FBXL17: variants seen among roughly 807,000 people sequenced by gnomAD.
FBXL17 encodes the protein F-box and leucine rich repeat protein 17, also known as F-box/LRR-repeat protein 17.
A neutral mutation model predicts 66.2 loss-of-function variants in FBXL17; 22 were observed. The ratio of observed to expected loss-of-function variants is 0.33; its 90% CI spans 0.24 to 0.47. The LOEUF (loss-of-function observed/expected upper bound fraction) is 0.47. FBXL17 is among the 20% of genes least tolerant of loss of function. The pLI, the probability that FBXL17 is intolerant of heterozygous loss-of-function variation, is 1.00. For synonymous variants in FBXL17, 474 were observed against 400.5 expected (o/e 1.18, Z -2.19); for missense variants, 878 against 948.2 (o/e 0.93, Z 0.97).
intron 5 of FBXL17, among the ~76,000 whole-genome samples, chr5:108,187,810 C>A (rs1430365661): frequency 6.6e-6 from 1 of 152,218 alleles, no homozygotes; most frequent in African/African-American, 2.4e-5. Context: ...AGACAGGCTT[C>A]TAACTTACAG....
At chr5:108,128,565 C>T (rs369641950) in intron 6 of FBXL17, among the ~76,000 whole-genome samples, 2 of 152,216 alleles carry the variant, frequency 1.3e-5, no homozygotes, top group East Asian at 1.9e-4. Context: ...CACATAGAAA[C>T]TCTATGATAA....
chr5:108,050,854 AAAATCAAATATATTTGATG>A (rs749371495), intron 6 of FBXL17, among the ~76,000 whole-genome samples: 34 of 152,114 alleles, frequency 2.2e-4, no homozygotes, highest in African/African-American at 7.5e-4. Flanking sequence ...ATCAAACAGA[AAAATCAAATATATTTGATG>A]AAATCAAATA....
At chr5:108,160,555 T>C (rs534585164) in intron 6 of FBXL17, among the ~76,000 whole-genome samples, 90 of 152,278 alleles carry the variant, frequency 5.9e-4, no homozygotes, top group Non-Finnish European at 1.2e-3. Flanking sequence ...AAGAATAGTT[T>C]TTCATAAATT....
intron 4 of FBXL17, among the ~76,000 whole-genome samples, chr5:108,342,424 T>C (rs143905889): frequency 6.6e-6 from 1 of 152,298 alleles, no homozygotes; most frequent in African/African-American, 2.4e-5. Context: ...TACTTGCAGC[T>C]TCTCCTGAAA....
intron 4 of FBXL17, among the ~76,000 whole-genome samples, chr5:108,345,525 T>C (rs1232449094): frequency 6.6e-6 from 1 of 150,484 alleles, no homozygotes; most frequent in African/African-American, 2.5e-5. Flanking sequence ...ATAAAAATGT[T>C]CTACTATCTT....
At chr5:108,327,294 T>G (rs1011775750) in intron 4 of FBXL17, among the ~76,000 whole-genome samples, 1 of 152,336 alleles carries the variant, frequency 6.6e-6, no homozygotes, top group Non-Finnish European at 1.5e-5. Context: ...CTAAATGTAC[T>G]GTGGAGACAA....
intron 8 of FBXL17, chr5:107,880,799 C>A (rs1748763247): frequency 1.5e-6 from 2 of 1,350,504 alleles, no homozygotes; most frequent in East Asian, 5.3e-5. Flanking sequence ...TATATGATTA[C>A]TTTTTCTTTC....
intron 8 of FBXL17, among the ~76,000 whole-genome samples, chr5:107,871,057 C>CAAAAGAAAAAAAAAAAAAAAAAAA (rs1554080823): frequency 1.5e-5 from 1 of 65,892 alleles, no homozygotes; most frequent in Non-Finnish European, 2.7e-5. Context: ...TCTTGGGCGG[C>CAAAAGAAAAAAAAAAAAAAAAAAA]AAAAAAAAAA....
At position 108,010,681 on chromosome 5, in the gene FBXL17, T is replaced by C. The variant is rs191967624; in HGVS notation, c.1822+10244A>G. Among the ~76,000 whole-genome samples, 430 of 152,246 alleles carry C rather than the reference T, an allele frequency of 2.8e-3. 2 individuals carry two copies. The highest frequency in any genetic ancestry group is 9.8e-3 in the African/African-American group (408 of 41,558). ...ACGTGCATAAGAAGAGCCTGGTGTA[T>C]CTTGACATAACGAGTCCATGTCAAA... On this transcript the variant is annotated intron_variant, in intron 7 of 8. Coordinates refer to ENST00000542267, the MANE Select transcript of FBXL17 (RefSeq NM_001163315.3).
intron 3 of FBXL17, among the ~76,000 whole-genome samples, chr5:108,349,351 G>A (rs190429580): frequency 6.6e-6 from 1 of 152,032 alleles, no homozygotes; most frequent in Non-Finnish European, 1.5e-5. Context: ...GGTTAATTCT[G>A]ATTAGCGCAT....
At chr5:108,363,743 T>C (rs1166508446) in intron 3 of FBXL17, among the ~76,000 whole-genome samples, 1 of 152,012 alleles carries the variant, frequency 6.6e-6, no homozygotes, top group Non-Finnish European at 1.5e-5. Context: ...ATTTGTGTTA[T>C]ATCAGAATTA....
intron 4 of FBXL17, among the ~76,000 whole-genome samples, chr5:108,261,388 G>T (rs1756814107): frequency 6.6e-6 from 1 of 152,000 alleles, no homozygotes; most frequent in South Asian, 2.1e-4. Flanking sequence ...CCATACCATG[G>T]CATATTATGG....
chr5:108,000,579 T>C (rs1311146998), intron 7 of FBXL17, among the ~76,000 whole-genome samples: 1 of 152,140 alleles, frequency 6.6e-6, no homozygotes, highest in Non-Finnish European at 1.5e-5. Flanking sequence ...GATGGAAAAA[T>C]AAATTTCATA....
chr5:108,108,013 G>A (rs2149949232), intron 6 of FBXL17, among the ~76,000 whole-genome samples: 1 of 152,050 alleles, frequency 6.6e-6, no homozygotes, highest in Admixed American at 6.5e-5. Context: ...GATTTGGTCT[G>A]GCTATACTGC....
intron 4 of FBXL17, among the ~76,000 whole-genome samples, chr5:108,338,574 T>A (rs1049302786): frequency 5.3e-5 from 8 of 151,930 alleles, no homozygotes; most frequent in Non-Finnish European, 1.0e-4. Flanking sequence ...AATAATGAAA[T>A]ATGGCAGCCA....
At chr5:108,279,580 C>G (rs1201309587) in intron 4 of FBXL17, among the ~76,000 whole-genome samples, 1 of 151,354 alleles carries the variant, frequency 6.6e-6, no homozygotes, top group East Asian at 1.9e-4. Flanking sequence ...ATATGACACC[C>G]CTAAAGAAGC....
chr5:108,027,790 G>A (rs556965824), intron 6 of FBXL17, among the ~76,000 whole-genome samples: 170 of 152,034 alleles, frequency 1.1e-3, no homozygotes, highest in African/African-American at 4.0e-3. Flanking sequence ...TAAAGGAAAC[G>A]CTAGAAAAAA....
At chr5:108,080,435 C>T (rs1164063019) in intron 6 of FBXL17, among the ~76,000 whole-genome samples, 1 of 152,168 alleles carries the variant, frequency 6.6e-6, no homozygotes, top group East Asian at 1.9e-4. Context: ...GAGGCGAGAT[C>T]TGTAATCAGT....
intron 6 of FBXL17, among the ~76,000 whole-genome samples, chr5:108,145,993 C>T (rs376363570): frequency 2.6e-5 from 4 of 151,772 alleles, no homozygotes; most frequent in South Asian, 2.1e-4. Flanking sequence ...CCGAGGCGGG[C>T]GGATCACGAG....
Sources: allele counts gnomAD v4.1 joint callset (sites outside exome capture counted in the v4.1 genomes callset), GRCh38; gene constraint gnomAD v4.1.1; transcripts MANE v1.5; gene names NCBI Gene and HGNC (gene_info 2026-07-23, HGNC 2026-07-21).